LAMB2: variants seen among roughly 807,000 people sequenced by gnomAD.
LAMB2 encodes the protein laminin subunit beta-2.
A neutral mutation model predicts 202.7 loss-of-function variants in LAMB2; 119 were observed. The observed-to-expected ratio is 0.59, with a 90% confidence interval of 0.51 to 0.68. The LOEUF is 0.68. LAMB2 is among the 30% of genes least tolerant of loss of function. The pLI is 0.00. For synonymous variants in LAMB2, 818 were observed against 902.2 expected, an observed-to-expected ratio of 0.91 and a Z score of 1.67; for missense variants, 2,124 against 2,410.6, an observed-to-expected ratio of 0.88 and a Z score of 2.49.
Position 49,124,413 on chromosome 3 carries a change from T to C in LAMB2, c.3309A>G (p.Arg1103=). 1 of 1,613,604 alleles carries C rather than the reference T, an allele frequency of 6.2e-7. No homozygotes were observed. The highest frequency in any genetic ancestry group is 1.3e-5 in the African/African-American group (1 of 75,068). ...QPCACHPSRA[R]GPTCNEFTGQ... ...CCCATACCTCGTTGCAGGTGGGGCC[T>C]CTGGCCCGGCTTGGGTGGCAGGCAC... The change falls in exon 22 of 32, where the codon AGA becomes AGG. Residue 1103 remains arginine, a synonymous_variant. Transcript: ENST00000305544.
Position 49,131,635 on chromosome 3 carries a change from C to A in LAMB2, c.548G>T (p.Gly183Val). 1 of 1,613,778 alleles carries A rather than the reference C, an allele frequency of 6.2e-7. No homozygotes were observed. Among genetic ancestry groups the A allele is most frequent in the Non-Finnish European group, 8.5e-7 (1 of 1,180,032 alleles). ...HVYRYFSYDCGADFPGVPLAP... is the reference protein window; with the variant it reads ...HVYRYFSYDCVADFPGVPLAP... ...TAGTGGGACTCCTGGGAAGTCAGCC[C>A]CACAGTCATAGGAGAAATATCGGTA... is the stretch of plus-strand genomic sequence containing the variant. Residue 183 changes from glycine (G) to valine (V), a missense_variant, in exon 5 of 32, where the codon GGG (glycine) becomes GTG (valine). Physicochemically the swap from Gly to Val is moderately radical, Grantham distance 109. Transcript: ENST00000305544. The surrounding 1 kb of genome is among the most constrained non-coding windows in gnomAD (Gnocchi z 5.0).
chr3:49,126,301 C>T (rs1024750044), intron 16 of LAMB2, 64 bp downstream of exon 16: 12 of 1,612,222 alleles, frequency 7.4e-6, no homozygotes, highest in Middle Eastern at 1.7e-4. Context: ...CCCCTGCTAT[C>T]CCTCAAGTCC....
chr3:49,123,599 G>A lies in LAMB2; in HGVS notation c.3830C>T (p.Thr1277Ile), dbSNP rs1211206946. 8 of 1,614,086 alleles carry A rather than the reference G, an allele frequency of 5.0e-6. No homozygotes were observed. The highest frequency in any genetic ancestry group is 1.6e-4 in the Middle Eastern group (1 of 6,084). ...REIGEATEHLTQLEADLTDVQ... is the reference protein window; with the variant it reads ...REIGEATEHLIQLEADLTDVQ... ...ATCTGTCAGGTCTGCCTCGAGCTGA[G>A]TCAGGTGCTCAGTGGCCTCCCCAAT... Residue 1277 changes from threonine (T) to isoleucine (I), a missense_variant, in exon 25 of 32, where the codon ACT (threonine) becomes ATT (isoleucine). By Grantham distance (89) the Thr-to-Ile change is moderately conservative. Around this residue, in one of 3 missense-constraint regions of LAMB2, gnomAD observed 1,702 missense variants for 1,896.3 expected, o/e 0.90. Coordinates refer to ENST00000305544, the MANE Select transcript of LAMB2 (RefSeq NM_002292.4).
rs1380651994 is a variant in LAMB2, at chr3:49,124,268, A to C, written c.3346T>G (p.Cys1116Gly). The stretch of plus-strand genomic sequence containing the variant: ...GTCCGCCCTCCAAAGCCGGCACGGC[A>C]GTGGCACTGCCCTGTGAACTGGGGT... ...TCNEFTGQCH[C>G]RAGFGGRTCS... The change falls in exon 23 of 32, where the codon TGC (cysteine) becomes GGC (glycine). Residue 1116 changes from cysteine (C) to glycine (G), a missense_variant. Physicochemically the swap from Cys to Gly is radical, Grantham distance 159. This residue lies in a region of LAMB2 where 1,702 missense variants were observed against 1,896.3 expected (regional missense o/e 0.90). Coordinates refer to ENST00000305544, the MANE Select transcript of LAMB2 (RefSeq NM_002292.4). 2 of 1,614,054 alleles carry C rather than the reference A, an allele frequency of 1.2e-6. No individual in the cohort carries two copies. Among genetic ancestry groups the C allele is most frequent in the South Asian group, 2.2e-5 (2 of 91,090 alleles).
intron 16 of LAMB2, 95 bp from the exon 17 acceptor site, chr3:49,126,254 C>A: frequency 1.9e-6 from 3 of 1,600,696 alleles, no homozygotes; most frequent in Non-Finnish European, 2.6e-6. Flanking sequence ...GCCTGCCCAC[C>A]CTGGCACCAC....
Position 49,125,386 on chromosome 3 carries a change from G to A in LAMB2, c.2587C>T (p.Arg863Cys), listed in dbSNP as rs1055560126. 6.2e-6 allele frequency: 10 copies of A among 1,614,070 alleles called. No individual in the cohort carries two copies. The highest frequency in any genetic ancestry group is 1.3e-5 in the African/African-American group (1 of 75,058). Residue 863 changes from arginine to cysteine, a missense_variant, in exon 19 of 32, where the codon CGC (arginine) becomes TGC (cysteine). Physicochemically the swap from Arg to Cys is radical, Grantham distance 180. Around this residue, in one of 3 missense-constraint regions of LAMB2, gnomAD observed 1,702 missense variants for 1,896.3 expected, o/e 0.90. Coordinates refer to ENST00000305544, the MANE Select transcript of LAMB2 (RefSeq NM_002292.4). Reference protein sequence around the residue: ...RTGAFGLRCDRCQRGQWGFPS... With the variant: ...RTGAFGLRCDCCQRGQWGFPS... ...AATCCCCACTGGCCACGCTGGCAGC[G>A]GTCACAGCGAAGCCCAAAGGCACCA...
intron 18 of LAMB2, 87 bp from the exon 19 acceptor site, chr3:49,125,571 A>G: frequency 7.2e-7 from 1 of 1,391,690 alleles, no homozygotes; most frequent in Non-Finnish European, 9.9e-7. Context: ...GAGTGTGAGT[A>G]GTGGGAGTCT....
At position 49,130,452 on chromosome 3, in the gene LAMB2, C is replaced by T. The variant is rs764952549; in HGVS notation, c.1037-33G>A. The T allele has an allele frequency of 6.2e-7, 1 of 1,612,344 alleles. No individual in the cohort carries two copies. The highest frequency in any genetic ancestry group is 8.5e-7 in the Non-Finnish European group (1 of 1,178,762). ...GGGAGGAAGGGCAGGGCAAAGGCCA[C>T]ATGAGGAACCAGGTCACAAGGGTAA... On this transcript the variant is annotated intron_variant, in intron 8 of 31. Transcript: ENST00000305544. This position sits in a 1 kb window ranked among gnomAD's most constrained non-coding sequence, Gnocchi z 5.0.
chr3:49,130,941 GCC>G lies in LAMB2; in HGVS notation c.915+7_915+8del. 6.2e-7 allele frequency: 1 copy of G among 1,614,126 alleles called. No individual in the cohort carries two copies. Among genetic ancestry groups the G allele is most frequent in the Non-Finnish European group, 8.5e-7 (1 of 1,180,038 alleles). ...CCTAGCCCTATCCCAACCGTCTGAA[GCC>G]CCTTACCATGCCCTCAGCATGGGCT... On this transcript the variant is annotated splice_region_variant and intron_variant, in intron 7 of 31. Coordinates refer to ENST00000305544, the MANE Select transcript of LAMB2 (RefSeq NM_002292.4). This position sits in a 1 kb window ranked among gnomAD's most constrained non-coding sequence, Gnocchi z 5.0.
rs1054116554 is a variant in LAMB2, at chr3:49,132,372, G to T, written c.283C>A (p.Arg95Ser). Residue 95 changes from arginine (R) to serine (S), a missense_variant, in exon 3 of 32, where the codon CGC becomes AGC. This residue lies in a region of LAMB2 where 166 missense variants were observed against 158.2 expected (regional missense o/e 1.05). Coordinates refer to ENST00000305544, the MANE Select transcript of LAMB2 (RefSeq NM_002292.4). This position sits in a 1 kb window ranked among gnomAD's most constrained non-coding sequence, Gnocchi z 4.6. Reference protein sequence around the residue: ...EKKCFLCDSRRPFSARDNPHS... With the variant: ...EKKCFLCDSRSPFSARDNPHS... Reference sequence around the variant, plus strand: ...GGGTTGTCTCTAGCAGAGAAGGGGCGCCGGGAGTCACAAAGGAAGCACTTC... The same window carrying T: ...GGGTTGTCTCTAGCAGAGAAGGGGCTCCGGGAGTCACAAAGGAAGCACTTC... The T allele has an allele frequency of 1.2e-6, 2 of 1,614,110 alleles. No homozygotes were observed. The highest frequency in any genetic ancestry group is 1.3e-5 in the African/African-American group (1 of 74,934).
Position 49,130,191 on chromosome 3 carries a change from A to C in LAMB2, c.1225+40T>G, listed in dbSNP as rs745540391. ...AGTCCAGCTCTCTAGTTCCTGCCCC[A>C]GGCTCAGCTTTCTCTCCCCGTGCCC... On this transcript the variant is annotated intron_variant, in intron 9 of 31. Transcript: ENST00000305544. This position sits in a 1 kb window ranked among gnomAD's most constrained non-coding sequence, Gnocchi z 5.0. The C allele has an allele frequency of 6.2e-7, 1 of 1,610,450 alleles. No individual in the cohort carries two copies. The highest frequency in any genetic ancestry group is 8.5e-7 in the Non-Finnish European group (1 of 1,177,964).
chr3:49,124,173 C>T lies in LAMB2; in HGVS notation c.3424+17G>A. The T allele has an allele frequency of 2.5e-6, 4 of 1,614,154 alleles. No individual in the cohort carries two copies. The South Asian group carries it at 4.4e-5, about 18-fold the overall frequency. ...TGGGAAGTCCTCCATCTACCCTGGC[C>T]CCGCTGGCTCCCTCACCATGGCACT... is the stretch of plus-strand genomic sequence containing the variant. On this transcript the variant is annotated intron_variant, in intron 23 of 31. Coordinates refer to ENST00000305544, the MANE Select transcript of LAMB2 (RefSeq NM_002292.4).
rs201547491 is a variant in LAMB2 at position 49,121,621 on chromosome 3, G to A, written c.5101-29C>T. 4.1e-4 allele frequency: 669 copies of A among 1,614,012 alleles called. 3 individuals are homozygous for A. The African/African-American group carries it at 7.5e-3, about 18-fold the overall frequency. On this transcript the variant is annotated intron_variant, in intron 30 of 31. Coordinates refer to ENST00000305544, the MANE Select transcript of LAMB2 (RefSeq NM_002292.4). The stretch of plus-strand genomic sequence containing the variant: ...CAGATGTAGAGGGTTAGGTTAGCGT[G>A]GTAGCTCAGTGGAGGCCCATCTTCC...
rs777275266 is a variant in LAMB2 at position 49,124,803 on chromosome 3, G to C, written c.3007C>G (p.His1003Asp). Residue 1003 changes from histidine (H) to aspartate (D), a missense_variant, in exon 21 of 32, where the codon CAC (histidine) becomes GAC (aspartate). His to Asp is a moderately conservative substitution (Grantham distance 81, BLOSUM62 -1). Coordinates refer to ENST00000305544, the MANE Select transcript of LAMB2 (RefSeq NM_002292.4). ...AAACAGCGCAGGCATTGCCCCGTGT[G>C]GGGGTCACAGGCATCAGGATCCATT... ...DPMDPDACDP[H>D]TGQCLRCLHH... The C allele has an allele frequency of 6.2e-7, 1 of 1,614,202 alleles. No individual in the cohort carries two copies. The highest frequency in any genetic ancestry group is 2.2e-5 in the East Asian group (1 of 44,878).
At chr3:49,127,012 G>A (rs942829747) in intron 15 of LAMB2, among the ~76,000 whole-genome samples, 7 of 151,804 alleles carry the variant, frequency 4.6e-5, no homozygotes, top group Admixed American at 1.3e-4. Flanking sequence ...TTTGAGATGC[G>A]GTCTCTGTTG....
rs1341896228 is a variant in LAMB2 at position 49,131,995 on chromosome 3, G to A, written c.459+121C>T. 2 of 1,007,634 alleles carry A rather than the reference G, an allele frequency of 2.0e-6. No individual in the cohort carries two copies. Among genetic ancestry groups the A allele is most frequent in the Admixed American group, 3.6e-5 (2 of 55,940 alleles). 62.4% of individuals were successfully genotyped at this position (1,007,634 alleles called of 1,614,324 possible). On this transcript the variant is annotated intron_variant, in intron 4 of 31. Coordinates refer to ENST00000305544, the MANE Select transcript of LAMB2 (RefSeq NM_002292.4). This position sits in a 1 kb window ranked among gnomAD's most constrained non-coding sequence, Gnocchi z 5.0. ...CCTGGAGGCAAATGGAAGGTGTGAAGGGATGAAGGAGCCTCCTGCATCCAT... is the reference window on the plus strand; with the variant it reads ...CCTGGAGGCAAATGGAAGGTGTGAAAGGATGAAGGAGCCTCCTGCATCCAT...
rs544798374 is a variant in LAMB2 at position 49,121,799 on chromosome 3, T to A, written c.4985A>T (p.Gln1662Leu). The change falls in exon 30 of 32, where the codon CAG becomes CTG. Residue 1662 changes from glutamine to leucine, a missense_variant. Gln to Leu is a moderately radical substitution (Grantham distance 113). Coordinates refer to ENST00000305544, the MANE Select transcript of LAMB2 (RefSeq NM_002292.4). ...CAGAGCCTCCAGGAGAGCATCCAAC[T>A]GCCGAGCCCTTTCACCTGCAGAGCT... The part of the protein sequence containing the change: ...ALSSAGERAR[Q>L]LDALLEALKL... 3.7e-6 allele frequency: 6 copies of A among 1,613,242 alleles called. No individual in the cohort carries two copies. The East Asian group carries it at 8.9e-5, about 24-fold the overall frequency.
chr3:49,124,882 T>G lies in LAMB2; in HGVS notation c.2928A>C (p.Pro976=), dbSNP rs922832434. Reference sequence around the variant, plus strand: ...GTTGGCACCGGCCACCTGGCCTTGATGGGTCCCCAAAGTGCCCAGGGGCAC... The same window carrying G: ...GTTGGCACCGGCCACCTGGCCTTGAGGGGTCCCCAAAGTGCCCAGGGGCAC... ...EACAPGHFGD[P]SRPGGRCQLC... Residue 976 remains proline, a synonymous_variant, in exon 21 of 32, where the codon CCA becomes CCC. Transcript: ENST00000305544. 6.2e-7 allele frequency: 1 copy of G among 1,614,114 alleles called. No homozygotes were observed. The highest frequency in any genetic ancestry group is 1.6e-4 in the Middle Eastern group (1 of 6,062).
rs768885758 is a variant in LAMB2, at chr3:49,123,969, C to G, written c.3556G>C (p.Ala1186Pro). The G allele has an allele frequency of 1.2e-6, 2 of 1,613,378 alleles. No individual in the cohort carries two copies. The highest frequency in any genetic ancestry group is 1.7e-6 in the Non-Finnish European group (2 of 1,180,040). The change falls in exon 24 of 32, where the codon GCC becomes CCC. Residue 1186 changes from alanine (A) to proline (P), a missense_variant. Coordinates refer to ENST00000305544, the MANE Select transcript of LAMB2 (RefSeq NM_002292.4). ...CARGFSGIFP[A>P]CHPCHACFGD... ...AAGCATGCATGGCAGGGATGGCAGGCAGGAAAGATTCCTGAGAAGCCACGG... is the reference window on the plus strand; with the variant it reads ...AAGCATGCATGGCAGGGATGGCAGGGAGGAAAGATTCCTGAGAAGCCACGG...
Sources: gnomAD v4.1 joint callset for allele counts (sites outside exome capture counted in the v4.1 genomes callset) on GRCh38, gnomAD v4.1.1 for gene constraint, gnomAD v4.1.1 regional missense constraint, Gnocchi (gnomAD v3.1) non-coding constraint, MANE v1.5 for transcripts, NCBI Gene and HGNC (gene_info 2026-07-23, HGNC 2026-07-21) for gene names.